The following NDUFB5 variants were observed in gnomAD, a reference collection of about 807,000 sequenced individuals.
NDUFB5 encodes NADH dehydrogenase [ubiquinone] 1 beta subcomplex subunit 5, mitochondrial.
NDUFB5 carries 19 observed loss-of-function variants against 19.4 expected under a neutral mutation model. The observed-to-expected ratio is 0.98, with a 90% CI of 0.68 to 1.43. The LOEUF (loss-of-function observed/expected upper bound fraction) is 1.43. Ranked by LOEUF, NDUFB5 falls within the 40% of genes most tolerant of loss-of-function variation. The pLI, the probability that NDUFB5 is intolerant of heterozygous loss-of-function variation, is 0.00. For synonymous variants in NDUFB5, 80 were observed against 82.6 expected (o/e 0.97, Z 0.17); for missense variants, 233 against 236.5 (o/e 0.99, Z 0.10).
At chr3:179,617,276 C>G in intron 4 of NDUFB5, 1 of 323,040 alleles carries the variant, frequency 3.1e-6, no homozygotes, top group Non-Finnish European at 5.7e-6. Context: ...TCGCTGGGAT[C>G]ACAGGTGTGT....
intron 5 of NDUFB5, among the ~76,000 whole-genome samples, chr3:179,623,223 A>G (rs913051273): frequency 2.6e-5 from 4 of 152,232 alleles, no homozygotes; most frequent in African/African-American, 9.6e-5. Flanking sequence ...GGCACAGCAT[A>G]TGGCCATAGT....
chr3:179,612,636 C>T (rs368063679), intron 1 of NDUFB5, among the ~76,000 whole-genome samples: 156 of 151,650 alleles, frequency 1.0e-3, no homozygotes, highest in African/African-American at 3.5e-3. Context: ...GCCACCACAC[C>T]CGGCTATTTT....
In NDUFB5 at chr3:179,625,554, GAT is replaced by G. The variant is rs1311167141; in HGVS notation, c.*1518_*1519del. 7 of 152,076 alleles carry G rather than the reference GAT, an allele frequency of 4.6e-5. No homozygotes were observed. The highest frequency in any genetic ancestry group is 1.2e-4 in the African/African-American group (5 of 41,414). The allele number at this position is 152,076 out of a possible 1,614,324, so 9.4% of individuals were successfully genotyped here. A position where few individuals can be genotyped will look rare whatever the true frequency, so the allele number is the denominator to read the frequency against. ...AATATAGTTATATATTTCAAAATAAGATATAGCAAGTTAGAAGTATATATAAG... is the reference window on the plus strand; with the variant it reads ...AATATAGTTATATATTTCAAAATAAGATAGCAAGTTAGAAGTATATATAAG... On this transcript the variant is annotated 3_prime_UTR_variant, in exon 6 of 6. Transcript: ENST00000259037.
At position 179,611,195 on chromosome 3, in the gene NDUFB5, G is replaced by T. The variant is rs138020769; in HGVS notation, c.125-3776G>T. 1.6e-3 allele frequency among the ~76,000 whole-genome samples: 241 copies of T among 152,268 alleles called. 1 individual carries two copies. The highest frequency in any genetic ancestry group is 5.5e-3 in the African/African-American group (227 of 41,556). On this transcript the variant is annotated intron_variant, in intron 1 of 5. Coordinates refer to ENST00000259037, the MANE Select transcript of NDUFB5 (RefSeq NM_002492.4). ...TTATAGGAAGATGCTTCTGAATATT[G>T]GATGGCTTATAGGGGATGTTGATTA...
At chr3:179,622,010 T>A (rs188418747) in intron 5 of NDUFB5, among the ~76,000 whole-genome samples, 3 of 152,292 alleles carry the variant, frequency 2.0e-5, no homozygotes, top group Non-Finnish European at 4.4e-5. Context: ...TTCTGTTGCC[T>A]CAGCTGGAGT....
At chr3:179,610,187 G>C (rs1719203528) in intron 1 of NDUFB5, among the ~76,000 whole-genome samples, 1 of 152,130 alleles carries the variant, frequency 6.6e-6, no homozygotes, top group Non-Finnish European at 1.5e-5. Context: ...CAACCTCCTA[G>C]ACTCAGGTGA....
Position 179,618,539 on chromosome 3 carries a change from G to A in NDUFB5, c.449+18G>A. ...GAATTACGGTAGGAAAAACGAGGGG[G>A]TAGGTGGGAAAGAAAATCTTCCTAA... On this transcript the variant is annotated intron_variant, in intron 5 of 5. Coordinates refer to ENST00000259037, the MANE Select transcript of NDUFB5 (RefSeq NM_002492.4). The A allele has an allele frequency of 1.3e-6, 2 of 1,546,416 alleles. No individual in the cohort carries two copies. The highest frequency in any genetic ancestry group is 8.9e-7 in the Non-Finnish European group (1 of 1,126,166).
chr3:179,607,926 T>A (rs916180106), intron 1 of NDUFB5: 1 of 651,400 alleles, frequency 1.5e-6, no homozygotes, highest in Non-Finnish European at 2.8e-6. Flanking sequence ...TTGTCCGTTG[T>A]CCATTGTATG....
Position 179,616,995 on chromosome 3 carries a change from T to G in NDUFB5, c.293T>G (p.Leu98Arg). The G allele has an allele frequency of 6.2e-7, 1 of 1,612,420 alleles. No individual in the cohort carries two copies. Reference protein sequence around the residue: ...LVNVFIGQAELAEIPEGYVPE... With the variant: ...LVNVFIGQAERAEIPEGYVPE... ...TTTTTCTTATTAGGTCAAGCTGAACTAGCAGAAATTCCAGAAGGCTATGTC... is the reference window on the plus strand; with the variant it reads ...TTTTTCTTATTAGGTCAAGCTGAACGAGCAGAAATTCCAGAAGGCTATGTC... The change falls in exon 4 of 6, where the codon CTA (leucine) becomes CGA (arginine). Residue 98 changes from leucine (L) to arginine (R), a missense_variant. Leu to Arg is a moderately radical substitution (Grantham distance 102). Transcript: ENST00000259037.
chr3:179,616,335 G>T (rs552750453), intron 3 of NDUFB5, among the ~76,000 whole-genome samples: 1 of 152,294 alleles, frequency 6.6e-6, no homozygotes, highest in African/African-American at 2.4e-5. Context: ...GAGGTCAGGG[G>T]TTCGAGACCA....
chr3:179,611,669 G>C (rs1719245032), intron 1 of NDUFB5, among the ~76,000 whole-genome samples: 1 of 151,994 alleles, frequency 6.6e-6, no homozygotes, highest in South Asian at 2.1e-4. Context: ...CAAAGTGCTG[G>C]GATTACAGGT....
rs201756793 is a variant in NDUFB5 at position 179,608,188 on chromosome 3, G to T, written c.124+3249G>T. ...TGGGGAGGAAGAGAGTTTTTTTTTTGTTTTGTTTTGTTTTTTTTTGAAACA... is the reference window on the plus strand; with the variant it reads ...TGGGGAGGAAGAGAGTTTTTTTTTTTTTTTGTTTTGTTTTTTTTTGAAACA... On this transcript the variant is annotated intron_variant, in intron 1 of 5. Coordinates refer to ENST00000259037, the MANE Select transcript of NDUFB5 (RefSeq NM_002492.4). Among the ~76,000 whole-genome samples, 1,283 of 149,806 alleles carry T rather than the reference G, an allele frequency of 8.6e-3. 16 individuals carry two copies. The highest frequency in any genetic ancestry group is 0.024 in the African/African-American group (962 of 40,778).
chr3:179,606,984 C>T (rs1473276192), intron 1 of NDUFB5, among the ~76,000 whole-genome samples: 1 of 152,208 alleles, frequency 6.6e-6, no homozygotes, highest in Non-Finnish European at 1.5e-5. Context: ...TTTCTGATTA[C>T]AGATATTCTC....
At chr3:179,620,498 G>T (rs1719506806) in intron 5 of NDUFB5, among the ~76,000 whole-genome samples, 1 of 152,182 alleles carries the variant, frequency 6.6e-6, no homozygotes, top group African/African-American at 2.4e-5. Context: ...TCAAAGATCA[G>T]ATAGTTGTAG....
intron 1 of NDUFB5, among the ~76,000 whole-genome samples, chr3:179,613,814 C>T (rs938774059): frequency 6.6e-6 from 1 of 152,038 alleles, no homozygotes; most frequent in Non-Finnish European, 1.5e-5. Context: ...TTAAAAGTGG[C>T]AGCAGTAAAC....
chr3:179,623,673 C>T (rs899119647), intron 5 of NDUFB5, among the ~76,000 whole-genome samples: 1 of 151,562 alleles, frequency 6.6e-6, no homozygotes, highest in African/African-American at 2.4e-5. Flanking sequence ...GACTCCGTCT[C>T]AAAAAAACAA....
chr3:179,606,343 T>C (rs1454200920), intron 1 of NDUFB5, among the ~76,000 whole-genome samples: 1 of 152,136 alleles, frequency 6.6e-6, no homozygotes, highest in Non-Finnish European at 1.5e-5. Context: ...TCCTTTTTTA[T>C]TTTTATTTTT....
chr3:179,612,533 T>C (rs897410372), intron 1 of NDUFB5, among the ~76,000 whole-genome samples: 2 of 147,766 alleles, frequency 1.4e-5, no homozygotes, highest in Non-Finnish European at 3.0e-5. Flanking sequence ...TGGAGTGCAG[T>C]GGCGCGATCT....
intron 5 of NDUFB5, among the ~76,000 whole-genome samples, chr3:179,623,454 C>T (rs181175654): frequency 3.9e-5 from 6 of 152,262 alleles, no homozygotes; most frequent in South Asian, 4.1e-4. Context: ...AGGCAGATCA[C>T]GACGAGGTCA....
Sources: allele counts gnomAD v4.1 joint callset (sites outside exome capture counted in the v4.1 genomes callset), GRCh38; gene constraint gnomAD v4.1.1; transcripts MANE v1.5; gene names NCBI Gene and HGNC (gene_info 2026-07-23, HGNC 2026-07-21).